Variants in MYO16 observed in about 807,000 individuals in gnomAD.
MYO16 encodes the protein unconventional myosin-XVI.
MYO16 carries 94 observed loss-of-function variants against 205.3 expected under a neutral mutation model. The observed-to-expected ratio is 0.46, with a 90% CI of 0.39 to 0.54. MYO16 has a LOEUF of 0.54. Among genes scored for constraint, MYO16 ranks in the 20% least tolerant of loss-of-function variants. The probability of loss-of-function intolerance (pLI) is 0.00; values close to 1 mark genes in which losing one functional copy is unlikely to be tolerated. For synonymous variants in MYO16, 988 were observed against 954.0 expected, an observed-to-expected ratio of 1.04 and a Z score of -0.66; for missense variants, 2,315 against 2,387.5, an observed-to-expected ratio of 0.97 and a Z score of 0.63.
chr13:108,886,149 G>A (rs1879869771), intron 13 of MYO16, among the ~76,000 whole-genome samples: 1 of 151,922 alleles, frequency 6.6e-6, no homozygotes, highest in Non-Finnish European at 1.5e-5. Context: ...CATCACGCCC[G>A]GCTAATTTTT....
chr13:108,694,970 G>A (rs1305125526), intron 2 of MYO16, among the ~76,000 whole-genome samples: 2 of 152,072 alleles, frequency 1.3e-5, no homozygotes, highest in Admixed American at 6.5e-5. Flanking sequence ...AAATTAGCCG[G>A]GTGTGGTGGC....
At chr13:109,085,458 C>A (rs553656900) in intron 27 of MYO16, among the ~76,000 whole-genome samples, 1 of 152,172 alleles carries the variant, frequency 6.6e-6, no homozygotes, top group African/African-American at 2.4e-5. Context: ...AGAGGGCGGA[C>A]CCAGTGGAAT....
At chr13:108,642,038 A>G (rs910160848) in intron 1 of MYO16, among the ~76,000 whole-genome samples, 1 of 152,100 alleles carries the variant, frequency 6.6e-6, no homozygotes, top group Admixed American at 6.5e-5. Context: ...TTTTATCATC[A>G]CTTAACTCTT....
intron 23 of MYO16, among the ~76,000 whole-genome samples, chr13:109,038,678 CATTT>C (rs1886789547): frequency 6.6e-6 from 1 of 151,810 alleles, no homozygotes; most frequent in South Asian, 2.1e-4. Context: ...CTTTTGTATT[CATTT>C]AAGACAAAAA....
At chr13:108,700,597 A>T (rs114025501) in intron 2 of MYO16, among the ~76,000 whole-genome samples, 94 of 152,266 alleles carry the variant, frequency 6.2e-4, no homozygotes, top group African/African-American at 2.2e-3. Flanking sequence ...TTATCATTTG[A>T]CATATCTGGC....
chr13:109,022,679 CAT>C (rs1566466632), intron 23 of MYO16, among the ~76,000 whole-genome samples: 2 of 54,148 alleles, frequency 3.7e-5, no homozygotes, highest in Non-Finnish European at 8.1e-5. Flanking sequence ...TATATATACA[CAT>C]ATAAACATGT....
At position 108,793,564 on chromosome 13, in the gene MYO16, G is replaced by T; in HGVS notation, c.665G>T (p.Ser222Ile). ...LRQMKLQRPMSMLTDVKHFLS... is the reference protein window; with the variant it reads ...LRQMKLQRPMIMLTDVKHFLS... ...CAGATGAAGCTTCAGAGACCAATGA[G>T]TATGTTAACAGATGTCAAACACTTC... is the stretch of plus-strand genomic sequence containing the variant. Residue 222 changes from serine to isoleucine, a missense_variant, in exon 6 of 35, where the codon AGT becomes ATT. Ser to Ile is a moderately radical substitution (Grantham distance 142, BLOSUM62 -2). Transcript: ENST00000457511. 1 of 1,613,764 alleles carries T rather than the reference G, an allele frequency of 6.2e-7. No homozygotes were observed. The highest frequency in any genetic ancestry group is 8.5e-7 in the Non-Finnish European group (1 of 1,179,732).
chr13:108,591,324 G>A (rs564277955), upstream of MYO16, among the ~76,000 whole-genome samples: 30 of 152,306 alleles, frequency 2.0e-4, no homozygotes, highest in Admixed American at 1.6e-3. Flanking sequence ...CCCAGAAATG[G>A]AGTTAGTTGT....
At chr13:109,022,995 T>A (rs1024959957) in intron 23 of MYO16, among the ~76,000 whole-genome samples, 2 of 135,150 alleles carry the variant, frequency 1.5e-5, no homozygotes, top group South Asian at 2.3e-4. Context: ...TATATTTATA[T>A]ATTATATATA....
chr13:109,143,594 G>T (rs965321137), intron 32 of MYO16, among the ~76,000 whole-genome samples: 1 of 151,772 alleles, frequency 6.6e-6, no homozygotes, highest in African/African-American at 2.4e-5. Flanking sequence ...TCAAGGAAGT[G>T]AAGTTAATGA....
the MYO16 span, among the ~76,000 whole-genome samples, chr13:108,510,291 G>A: frequency 6.6e-6 from 1 of 151,672 alleles, no homozygotes; most frequent in Non-Finnish European, 1.5e-5. Flanking sequence ...TAATTTTTTT[G>A]TGTTTTTAGT....
intron 32 of MYO16, among the ~76,000 whole-genome samples, chr13:109,143,806 A>C (rs1877206613): frequency 6.6e-6 from 1 of 152,212 alleles, no homozygotes; most frequent in African/African-American, 2.4e-5. Context: ...CTATTTTCTT[A>C]TTGTGGGCTT....
intron 4 of MYO16, among the ~76,000 whole-genome samples, chr13:108,746,361 C>T (rs989637177): frequency 6.6e-6 from 1 of 152,022 alleles, no homozygotes; most frequent in Non-Finnish European, 1.5e-5. Context: ...TGGCAAGAAA[C>T]AGTAATTTCA....
chr13:108,718,084 G>A (rs1226230659), intron 3 of MYO16, among the ~76,000 whole-genome samples: 1 of 152,154 alleles, frequency 6.6e-6, no homozygotes, highest in Non-Finnish European at 1.5e-5. Context: ...ATAAGAAGCA[G>A]AGATAATTAG....
chr13:108,649,444 T>TC (rs998795460), intron 1 of MYO16, among the ~76,000 whole-genome samples: 1 of 152,150 alleles, frequency 6.6e-6, no homozygotes, highest in African/African-American at 2.4e-5. Flanking sequence ...GAGGTGCTTC[T>TC]CCAGGGGAAG....
At chr13:108,588,169 T>C in the MYO16 span, among the ~76,000 whole-genome samples, 1 of 152,214 alleles carries the variant, frequency 6.6e-6, no homozygotes, top group Admixed American at 6.5e-5. Context: ...ATATTGAATT[T>C]TGTGTGTGCC....
intron 16 of MYO16, among the ~76,000 whole-genome samples, chr13:108,933,825 C>A (rs1202820380): frequency 1.3e-5 from 2 of 152,084 alleles, no homozygotes; most frequent in Admixed American, 1.3e-4. Context: ...GTGTTCAGTT[C>A]CCTCTTATAA....
intron 20 of MYO16, among the ~76,000 whole-genome samples, chr13:108,986,121 A>C (rs968575878): frequency 6.6e-6 from 1 of 152,146 alleles, no homozygotes; most frequent in African/African-American, 2.4e-5. Flanking sequence ...CTTATTCACT[A>C]TCATGAGATT....
chr13:108,511,311 G>T, the MYO16 span, among the ~76,000 whole-genome samples: 1 of 122,672 alleles, frequency 8.2e-6, no homozygotes. Flanking sequence ...CCCACTTTTT[G>T]ATGGGGTTGT....
Sources: gnomAD v4.1 joint callset for allele counts (sites outside exome capture counted in the v4.1 genomes callset) on GRCh38, gnomAD v4.1.1 for gene constraint, MANE v1.5 for transcripts, NCBI Gene and HGNC (gene_info 2026-07-23, HGNC 2026-07-21) for gene names.